CHRND: variants seen among roughly 807,000 people sequenced by gnomAD.
CHRND encodes cholinergic receptor nicotinic delta subunit.
CHRND carries 40 observed loss-of-function variants against 57.8 expected under a neutral mutation model. The observed-to-expected ratio is 0.69, with a 90% CI of 0.54 to 0.90. CHRND has a LOEUF of 0.90. Ranked by LOEUF, CHRND falls within the 40% of genes least tolerant of loss-of-function variation. The pLI, the probability that CHRND is intolerant of heterozygous loss-of-function variation, is 0.00. For synonymous variants in CHRND, 237 were observed against 270.6 expected (o/e 0.88, Z 1.22); for missense variants, 634 against 673.9 (o/e 0.94, Z 0.66).
At chr2:232,534,457 A>C in intron 11 of CHRND, 115 bp downstream of exon 11, 2 of 1,064,190 alleles carry the variant, frequency 1.9e-6, no homozygotes, top group Non-Finnish European at 2.9e-6. Context: ...TAGATGAGGG[A>C]GTTAATGTGA....
At chr2:232,533,098 G>A (rs1460904620) in intron 9 of CHRND, among the ~76,000 whole-genome samples, 1 of 152,122 alleles carries the variant, frequency 6.6e-6, no homozygotes, top group African/African-American at 2.4e-5. Flanking sequence ...TCAGCTCACT[G>A]CAACCTCTGC....
chr2:232,529,911 C>T (rs1449694039), intron 6 of CHRND, 28 bp from the exon 7 acceptor site: 3 of 1,612,674 alleles, frequency 1.9e-6, no homozygotes, highest in Admixed American at 3.3e-5. Context: ...CCTGGCCTGA[C>T]CCTAAGATGT....
At chr2:232,528,439 C>T in intron 4 of CHRND, 62 bp from the exon 5 acceptor site, 1 of 1,613,696 alleles carries the variant, frequency 6.2e-7, no homozygotes, top group South Asian at 1.1e-5. Context: ...TCCTCTGCCT[C>T]CCCCAACTCT....
chr2:232,526,288 C>A (rs750216316), intron 1 of CHRND, 21 bp downstream of exon 1: 21 of 1,609,732 alleles, frequency 1.3e-5, no homozygotes, highest in East Asian at 4.5e-5. Flanking sequence ...ACACCCTCCC[C>A]ACCCTGGGGT....
chr2:232,527,107 T>C (rs1691501975), intron 2 of CHRND, among the ~76,000 whole-genome samples: 1 of 152,026 alleles, frequency 6.6e-6, no homozygotes, highest in Non-Finnish European at 1.5e-5. Flanking sequence ...GAGACCAGCC[T>C]GGCCAACATA....
intron 2 of CHRND, among the ~76,000 whole-genome samples, chr2:232,527,118 G>A (rs925087857): frequency 6.6e-6 from 1 of 152,092 alleles, no homozygotes; most frequent in East Asian, 1.9e-4. Context: ...GGCCAACATA[G>A]TAAAACCTGA....
At position 232,529,829 on chromosome 2, in the gene CHRND, A is replaced by G. The variant is rs1553574667; in HGVS notation, c.620-110A>G. 9 of 1,179,244 alleles carry G rather than the reference A, an allele frequency of 7.6e-6. No individual in the cohort carries two copies. In the Middle Eastern group the frequency reaches 1.3e-3, roughly 173 times the overall value. The allele number at this position is 1,179,244 out of a possible 1,614,324, so 73.0% of individuals were successfully genotyped here. On this transcript the variant is annotated intron_variant, in intron 6 of 11. Coordinates refer to ENST00000258385, the MANE Select transcript of CHRND (RefSeq NM_000751.3). ...ACCAACGGGACCCCGTAGACAGCCC[A>G]TCTGCGTCTCTGGACTGGCTTGCCC... is the stretch of plus-strand genomic sequence containing the variant.
intron 6 of CHRND, 140 bp from the exon 7 acceptor site, chr2:232,529,799 C>A: frequency 1.3e-6 from 1 of 776,506 alleles, no homozygotes; most frequent in Non-Finnish European, 2.1e-6. Context: ...CAGGGAACGA[C>A]ACCCACCAAC....
Position 232,536,057 on chromosome 2 carries a change from G to C in CHRND, c.*745G>C, listed in dbSNP as rs1336166409. The stretch of plus-strand genomic sequence containing the variant: ...GCATACATATTCTAAAAAATCATTC[G>C]TTGTTTCTCTGAAATTTGTCCCCTA... On this transcript the variant is annotated 3_prime_UTR_variant, in exon 12 of 12. Transcript: ENST00000258385. The C allele has an allele frequency of 2.2e-6, 1 of 453,970 alleles. No individual in the cohort carries two copies. The highest frequency in any genetic ancestry group is 2.0e-5 in the African/African-American group (1 of 49,992). The allele number at this position is 453,970 out of a possible 1,614,324, so 28.1% of individuals were successfully genotyped here. A position where few individuals can be genotyped will look rare whatever the true frequency, so the allele number is the denominator to read the frequency against.
rs1255371087 is a variant in CHRND at position 232,528,252 on chromosome 2, G to C, written c.244-10G>C. On this transcript the variant is annotated splice_polypyrimidine_tract_variant and intron_variant, in intron 3 of 11. Coordinates refer to ENST00000258385, the MANE Select transcript of CHRND (RefSeq NM_000751.3). ...CAGAGTGCACTGGTGACATGCCTTT[G>C]GGATTCCAGGGCTGGACAGACAACC... The C allele has an allele frequency of 6.2e-7, 1 of 1,613,870 alleles. No individual in the cohort carries two copies.
intron 11 of CHRND, 22 bp downstream of exon 11, chr2:232,534,364 A>T: frequency 1.9e-6 from 3 of 1,607,630 alleles, no homozygotes; most frequent in Non-Finnish European, 1.7e-6. Flanking sequence ...CAGGATTGCC[A>T]TGTACAGGTG....
chr2:232,531,352 G>C lies in CHRND; in HGVS notation c.821G>C (p.Ser274Thr). 6.2e-7 allele frequency: 1 copy of C among 1,611,758 alleles called. No homozygotes were observed. The highest frequency in any genetic ancestry group is 1.7e-4 in the Middle Eastern group (1 of 6,054). The change falls in exon 8 of 12, where the codon AGT becomes ACT. Residue 274 changes from serine (S) to threonine (T), a missense_variant and splice_region_variant. Coordinates refer to ENST00000258385, the MANE Select transcript of CHRND (RefSeq NM_000751.3). ...TCACAGCTAAGTCTGGCTTCCCCAG[G>C]TGGTGAGAAGACATCAGTGGCCATC... is the stretch of plus-strand genomic sequence containing the variant. ...VNLVFYLPAD[S>T]GEKTSVAISV...
At chr2:232,526,337 CCTCA>C in intron 1 of CHRND, 70 bp downstream of exon 1, 2 of 1,554,450 alleles carry the variant, frequency 1.3e-6, no homozygotes, top group South Asian at 1.2e-5. Flanking sequence ...CCGCATGGCT[CCTCA>C]CTCACTCCAC....
At chr2:232,527,601 T>TTGG (rs1183054946) in intron 3 of CHRND, among the ~76,000 whole-genome samples, 156 bp downstream of exon 3, 2 of 151,732 alleles carry the variant, frequency 1.3e-5, no homozygotes, top group East Asian at 3.9e-4. Flanking sequence ...AAAATTAGCT[T>TTGG]GGTGTGGTGG....
intron 7 of CHRND, 48 bp from the exon 8 acceptor site, chr2:232,531,304 C>T: frequency 7.4e-7 from 1 of 1,344,534 alleles, no homozygotes; most frequent in South Asian, 1.2e-5. Flanking sequence ...ACAGCTGGAC[C>T]CTCTAGGACC....
In CHRND at chr2:232,534,151, T is replaced by A. The variant is rs573614449; in HGVS notation, c.1252+16T>A. On this transcript the variant is annotated intron_variant, in intron 10 of 11. Transcript: ENST00000258385. ...ACCACTGCACGTGGGTCCCCGCTGG[T>A]CTTGGTTTTCAGCCCATCTGTGGGA... is the stretch of plus-strand genomic sequence containing the variant. 6.2e-7 allele frequency: 1 copy of A among 1,614,076 alleles called. No homozygotes were observed. The highest frequency in any genetic ancestry group is 8.5e-7 in the Non-Finnish European group (1 of 1,180,028).
chr2:232,528,236 C>G, intron 3 of CHRND, 26 bp from the exon 4 acceptor site: 1 of 1,608,668 alleles, frequency 6.2e-7, no homozygotes, highest in Non-Finnish European at 8.5e-7. Flanking sequence ...GCAGAGTGCA[C>G]TGGTGACATG....
intron 9 of CHRND, among the ~76,000 whole-genome samples, chr2:232,533,099 C>T (rs1423453312): frequency 2.0e-5 from 3 of 152,208 alleles, no homozygotes; most frequent in Non-Finnish European, 2.9e-5. Flanking sequence ...CAGCTCACTG[C>T]AACCTCTGCC....
Position 232,535,154 on chromosome 2 carries a change from G to T in CHRND, c.1396G>T (p.Ala466Ser). The T allele has an allele frequency of 6.2e-7, 1 of 1,614,176 alleles. No homozygotes were observed. The highest frequency in any genetic ancestry group is 8.5e-7 in the Non-Finnish European group (1 of 1,180,034). The change falls in exon 12 of 12, where the codon GCC (alanine) becomes TCC (serine). Residue 466 changes from alanine (A) to serine (S), a missense_variant. Coordinates refer to ENST00000258385, the MANE Select transcript of CHRND (RefSeq NM_000751.3). ...GGAGAAAGACAGCTGGAACCGAGTG[G>T]CCCGCACAGTGGACCGCCTCTGCCT... ...NEEKDSWNRV[A>S]RTVDRLCLFV...
Sources: gnomAD v4.1 joint callset for allele counts (sites outside exome capture counted in the v4.1 genomes callset) on GRCh38, gnomAD v4.1.1 for gene constraint, MANE v1.5 for transcripts, NCBI Gene and HGNC (gene_info 2026-07-23, HGNC 2026-07-21) for gene names.